TTC39C: variants seen among roughly 807,000 people sequenced by gnomAD.
TTC39C encodes tetratricopeptide repeat domain 39C.
In TTC39C, 33 loss-of-function variants were observed where a neutral mutation model predicts 76.3. The ratio of observed to expected loss-of-function variants is 0.43; its 90% CI spans 0.33 to 0.58. TTC39C has a LOEUF of 0.58. TTC39C is among the 20% of genes least tolerant of loss of function. TTC39C has a pLI of 0.04. For missense variants in TTC39C, 595 were observed against 701.4 expected (o/e 0.85, Z 1.71); for synonymous variants, 254 against 260.6 (o/e 0.97, Z 0.24).
chr18:24,045,901 A>ATATATATGTATATGTATATG lies in TTC39C; in HGVS notation c.168-18232_168-18231insGTATATGTATATGTATATAT, dbSNP rs1427964136. Reference sequence around the variant, plus strand: ...TACTTCCTTCTGTGAAAATATATATATATATATATATATATATATATATAT... The same window carrying ATATATATGTATATGTATATG: ...TACTTCCTTCTGTGAAAATATATATATATATATGTATATGTATATGTATATATATATATATATATATATAT... On this transcript the variant is annotated intron_variant, in intron 1 of 13. Coordinates refer to ENST00000317571, the MANE Select transcript of TTC39C (RefSeq NM_001135993.2). Among the ~76,000 whole-genome samples the ATATATATGTATATGTATATG allele has an allele frequency of 6.0e-3, 233 of 38,518 alleles. 4 individuals are homozygous for ATATATATGTATATGTATATG. Among genetic ancestry groups the ATATATATGTATATGTATATG allele is most frequent in the African/African-American group, 8.5e-3 (58 of 6,784 alleles). The allele number at this position is 38,518 out of a possible 152,430, so 25.3% of individuals were successfully genotyped here. A position where few individuals can be genotyped will look rare whatever the true frequency, so the allele number is the denominator to read the frequency against.
Position 24,131,864 on chromosome 18 carries a change from A to G in TTC39C, c.1624-18A>G, listed in dbSNP as rs772913924. Reference sequence around the variant, plus strand: ...TATATAAACACAGATTTTATGGGATAATGTGTTTTTCTTATAGACTGTAGG... The same window carrying G: ...TATATAAACACAGATTTTATGGGATGATGTGTTTTTCTTATAGACTGTAGG... On this transcript the variant is annotated intron_variant, in intron 12 of 13. Transcript: ENST00000317571. 4.4e-6 allele frequency: 7 copies of G among 1,606,746 alleles called. No homozygotes were observed. In the South Asian group the frequency reaches 7.8e-5, roughly 18 times the overall value.
intron 1 of TTC39C, among the ~76,000 whole-genome samples, chr18:24,061,845 A>C (rs2084105608): frequency 6.6e-6 from 1 of 152,190 alleles, no homozygotes; most frequent in South Asian, 2.1e-4. Context: ...CGGATGTTGC[A>C]GTGAGCCAAG....
chr18:24,128,553 A>G (rs1168361611), intron 10 of TTC39C, among the ~76,000 whole-genome samples: 1 of 152,050 alleles, frequency 6.6e-6, no homozygotes, highest in East Asian at 1.9e-4. Context: ...TCCATTCTGC[A>G]TCTTTCTCAT....
intron 1 of TTC39C, among the ~76,000 whole-genome samples, chr18:24,023,520 C>T (rs1012418331): frequency 6.6e-6 from 1 of 152,206 alleles, no homozygotes; most frequent in Non-Finnish European, 1.5e-5. Context: ...GAGCTGTTCT[C>T]TACTCAGTGT....
intron 1 of TTC39C, among the ~76,000 whole-genome samples, chr18:24,018,552 G>A (rs531799853): frequency 1.3e-5 from 2 of 152,276 alleles, no homozygotes; most frequent in Non-Finnish European, 2.9e-5. Flanking sequence ...TGGTGATAGG[G>A]AGGCTGGGAG....
chr18:24,084,096 A>G (rs558040382), intron 6 of TTC39C, among the ~76,000 whole-genome samples: 1 of 152,256 alleles, frequency 6.6e-6, no homozygotes, highest in South Asian at 2.1e-4. Context: ...TCTCCTTCAT[A>G]AAGTGACTCC....
At chr18:24,056,823 T>G (rs2084022313) in intron 1 of TTC39C, among the ~76,000 whole-genome samples, 1 of 152,088 alleles carries the variant, frequency 6.6e-6, no homozygotes, top group Non-Finnish European at 1.5e-5. Context: ...ACACCTTATC[T>G]TTTGTAGAAC....
chr18:24,073,906 A>G (rs920047539), intron 4 of TTC39C, among the ~76,000 whole-genome samples: 2 of 152,188 alleles, frequency 1.3e-5, no homozygotes, highest in Non-Finnish European at 2.9e-5. Context: ...ATTTATTTAC[A>G]TGTCTGCCTA....
At chr18:24,125,920 G>A (rs1000695610) in intron 10 of TTC39C, among the ~76,000 whole-genome samples, 1 of 152,208 alleles carries the variant, frequency 6.6e-6, no homozygotes, top group East Asian at 1.9e-4. Flanking sequence ...TGGTGGGGTG[G>A]TTCACCCCTG....
In TTC39C at chr18:24,060,002, C is replaced by T. The variant is rs2084073008; in HGVS notation, c.168-4138C>T. On this transcript the variant is annotated intron_variant, in intron 1 of 13. Transcript: ENST00000317571. Reference sequence around the variant, plus strand: ...TCATGAGGCTTATTCATTACCATCCCCCCATGATTCAATTATCTCCCACCA... The same window carrying T: ...TCATGAGGCTTATTCATTACCATCCTCCCATGATTCAATTATCTCCCACCA... 2.0e-5 allele frequency among the ~76,000 whole-genome samples: 3 copies of T among 151,868 alleles called. No homozygotes were observed. In the South Asian group the frequency reaches 6.3e-4, roughly 32 times the overall value.
intron 1 of TTC39C, chr18:24,019,859 GA>G: frequency 6.6e-7 from 1 of 1,526,694 alleles, no homozygotes; most frequent in Non-Finnish European, 8.7e-7. Flanking sequence ...GCCTTTTACA[GA>G]AAAAGTTTTT....
At chr18:24,065,917 T>G in intron 2 of TTC39C, 95 bp from the exon 3 acceptor site, 1 of 1,263,376 alleles carries the variant, frequency 7.9e-7, no homozygotes, top group African/African-American at 1.7e-5. Flanking sequence ...ATAAATAATT[T>G]AAGTGTTTTT....
intron 13 of TTC39C, 73 bp downstream of exon 13, chr18:24,131,993 A>C: frequency 7.0e-7 from 1 of 1,433,132 alleles, no homozygotes; most frequent in Non-Finnish European, 9.5e-7. Flanking sequence ...GTCTGAATTC[A>C]AGAAAGTTTG....
intron 6 of TTC39C, among the ~76,000 whole-genome samples, chr18:24,104,339 G>T (rs2084717620): frequency 6.6e-6 from 1 of 152,110 alleles, no homozygotes; most frequent in Non-Finnish European, 1.5e-5. Context: ...CTCCACCCCT[G>T]CCCCACTGGC....
At chr18:24,025,116 G>A (rs1022771270) in intron 1 of TTC39C, among the ~76,000 whole-genome samples, 5 of 152,100 alleles carry the variant, frequency 3.3e-5, no homozygotes, top group African/African-American at 7.2e-5. Context: ...TGATCTGACC[G>A]TCTCGGCCTC....
chr18:24,015,196 G>A, intron 1 of TTC39C, 158 bp downstream of exon 1: 1 of 606,016 alleles, frequency 1.7e-6, no homozygotes, highest in Non-Finnish European at 2.6e-6. Flanking sequence ...CAGAGGGAAT[G>A]CGCCTCTGCC....
At chr18:24,107,601 G>A (rs1019619578) in intron 6 of TTC39C, among the ~76,000 whole-genome samples, 9 of 152,222 alleles carry the variant, frequency 5.9e-5, no homozygotes, top group East Asian at 1.9e-4. Context: ...GCCTGCCACC[G>A]TGTTAAGATG....
At chr18:24,018,660 T>C (rs2083484083) in intron 1 of TTC39C, among the ~76,000 whole-genome samples, 1 of 151,668 alleles carries the variant, frequency 6.6e-6, no homozygotes, top group South Asian at 2.1e-4. Flanking sequence ...GCCTGAGCAT[T>C]ATGATGGGGT....
At position 24,069,146 on chromosome 18, in the gene TTC39C, C is replaced by G. The variant is rs766712475; in HGVS notation, c.346-11C>G. 1 of 1,606,986 alleles carries G rather than the reference C, an allele frequency of 6.2e-7. No individual in the cohort carries two copies. Among genetic ancestry groups the G allele is most frequent in the South Asian group, 1.1e-5 (1 of 90,898 alleles). On this transcript the variant is annotated splice_polypyrimidine_tract_variant and intron_variant, in intron 3 of 13. Coordinates refer to ENST00000317571, the MANE Select transcript of TTC39C (RefSeq NM_001135993.2). The stretch of plus-strand genomic sequence containing the variant: ...TGATTTATCAGTGTGGACATTCTTT[C>G]TGCCAAACAGGTTGATGTCCGAAAA...
Sources: gnomAD v4.1 joint callset for allele counts (sites outside exome capture counted in the v4.1 genomes callset) on GRCh38, gnomAD v4.1.1 for gene constraint, MANE v1.5 for transcripts, NCBI Gene and HGNC (gene_info 2026-07-23, HGNC 2026-07-21) for gene names.